The following MYO5B variants were observed in gnomAD, a reference collection of about 807,000 sequenced individuals.
MYO5B encodes myosin VB.
In MYO5B, 143 loss-of-function variants were observed where a neutral mutation model predicts 229.3. That is an observed-to-expected ratio of 0.62 (90% CI 0.54 to 0.72). MYO5B has a LOEUF of 0.72. Among genes scored for constraint, MYO5B ranks in the 30% least tolerant of loss-of-function variants. The pLI, the probability that MYO5B is intolerant of heterozygous loss-of-function variation, is 0.00. For missense variants in MYO5B, 2,321 were observed against 2,331.0 expected (o/e 1.00, Z 0.09); for synonymous variants, 918 against 885.2 (o/e 1.04, Z -0.66).
At chr18:50,038,181 C>G (rs904505021) in intron 3 of MYO5B, among the ~76,000 whole-genome samples, 1 of 152,064 alleles carries the variant, frequency 6.6e-6, no homozygotes, top group Non-Finnish European at 1.5e-5. Context: ...TTTTTCTTTC[C>G]CATAAGGTCA....
chr18:49,966,561 C>T (rs1422100178), intron 10 of MYO5B, among the ~76,000 whole-genome samples: 1 of 152,128 alleles, frequency 6.6e-6, no homozygotes, highest in African/African-American at 2.4e-5. Context: ...ATTAATAAAA[C>T]CTAGGTGGGA....
At chr18:49,952,729 A>G (rs540929429) in intron 14 of MYO5B, among the ~76,000 whole-genome samples, 3 of 152,266 alleles carry the variant, frequency 2.0e-5, no homozygotes, top group Admixed American at 1.3e-4. Flanking sequence ...AATAACAGAG[A>G]AAGAGTCCAA....
chr18:49,978,750 G>T (rs1287878079), intron 9 of MYO5B, among the ~76,000 whole-genome samples: 1 of 128,710 alleles, frequency 7.8e-6, no homozygotes, highest in African/African-American at 3.0e-5. Context: ...CACACAAAAT[G>T]CTCAGCCCCA....
Position 50,098,998 on chromosome 18 carries a change from C to T in MYO5B, c.28-43620G>A, listed in dbSNP as rs924991889. 5 of 153,036 alleles carry T rather than the reference C, an allele frequency of 3.3e-5. No homozygotes were observed. The East Asian group carries it at 7.7e-4, about 24-fold the overall frequency. The allele number at this position is 153,036 out of a possible 1,614,324, so 9.5% of individuals were successfully genotyped here. A position where few individuals can be genotyped will look rare whatever the true frequency, so the allele number is the denominator to read the frequency against. ...GAATCTGAAGAACAGATTAAAACGG[C>T]CTTTATATGAATGATCCAAGCACAA... On this transcript the variant is annotated intron_variant, in intron 1 of 39. Transcript: ENST00000285039.
intron 4 of MYO5B, among the ~76,000 whole-genome samples, chr18:50,011,360 G>T (rs1598951298): frequency 6.6e-6 from 1 of 152,114 alleles, no homozygotes; most frequent in East Asian, 1.9e-4. Flanking sequence ...CCTCTGAGGT[G>T]ATCTCCTCTT....
intron 1 of MYO5B, among the ~76,000 whole-genome samples, chr18:50,159,142 G>C (rs1344921807): frequency 1.3e-5 from 2 of 152,002 alleles, no homozygotes; most frequent in African/African-American, 4.8e-5. Context: ...AAAATAAACA[G>C]ACCTAGTTGA....
At chr18:50,065,733 T>C (rs1451239368) in intron 1 of MYO5B, among the ~76,000 whole-genome samples, 1 of 152,066 alleles carries the variant, frequency 6.6e-6, no homozygotes, top group Non-Finnish European at 1.5e-5. Context: ...TGGTCATAAA[T>C]GCATCAACAG....
intron 9 of MYO5B, among the ~76,000 whole-genome samples, chr18:49,977,064 G>A (rs1257470262): frequency 2.0e-5 from 3 of 152,170 alleles, no homozygotes; most frequent in South Asian, 2.1e-4. Context: ...CGCGCTGTGA[G>A]TGCAGTGGAG....
At chr18:50,120,097 T>G (rs2032033302) in intron 1 of MYO5B, among the ~76,000 whole-genome samples, 1 of 152,228 alleles carries the variant, frequency 6.6e-6, no homozygotes, top group East Asian at 1.9e-4. Context: ...TTTACAAAAC[T>G]TAAGTATTTA....
intron 29 of MYO5B, among the ~76,000 whole-genome samples, chr18:49,857,227 G>A (rs1033261038): frequency 2.0e-5 from 3 of 152,224 alleles, no homozygotes; most frequent in Non-Finnish European, 4.4e-5. Context: ...AGCAGTGTGG[G>A]TAGTGTGGAA....
At chr18:49,989,079 T>C (rs1480663881) in intron 7 of MYO5B, among the ~76,000 whole-genome samples, 1 of 152,262 alleles carries the variant, frequency 6.6e-6, no homozygotes, top group East Asian at 1.9e-4. Context: ...TGCATCATAA[T>C]TGACAAGCTA....
chr18:49,847,533 G>A (rs2024145606), intron 32 of MYO5B, among the ~76,000 whole-genome samples: 1 of 152,166 alleles, frequency 6.6e-6, no homozygotes, highest in Non-Finnish European at 1.5e-5. Flanking sequence ...CCAGCACTGG[G>A]GTCCACACTC....
At chr18:49,953,234 C>T in intron 14 of MYO5B, 26 bp downstream of exon 14, 1 of 1,604,204 alleles carries the variant, frequency 6.2e-7, no homozygotes, top group South Asian at 1.1e-5. Flanking sequence ...ATTCCTGCTC[C>T]ACTCCCCACT....
chr18:49,999,154 C>T (rs1164982936), intron 5 of MYO5B, among the ~76,000 whole-genome samples: 4 of 152,168 alleles, frequency 2.6e-5, no homozygotes, highest in African/African-American at 7.2e-5. Flanking sequence ...TCTTGTCTTT[C>T]GTTTTGCTCA....
chr18:50,105,985 G>T (rs1309914398), intron 1 of MYO5B, among the ~76,000 whole-genome samples: 2 of 151,956 alleles, frequency 1.3e-5, no homozygotes, highest in Middle Eastern at 3.2e-3. Context: ...ACCCTCTCCA[G>T]CTACTTTTTA....
At chr18:49,900,762 C>A (rs1177427710) in intron 21 of MYO5B, among the ~76,000 whole-genome samples, 2 of 152,186 alleles carry the variant, frequency 1.3e-5, no homozygotes, top group African/African-American at 4.8e-5. Context: ...CTCTGGGGCA[C>A]CTCAGAAGCC....
chr18:50,051,917 T>C (rs1239314521), intron 2 of MYO5B, among the ~76,000 whole-genome samples: 2 of 152,098 alleles, frequency 1.3e-5, no homozygotes, highest in Admixed American at 6.5e-5. Flanking sequence ...CAAGTTTCAG[T>C]TGTAAAAGAG....
intron 34 of MYO5B, among the ~76,000 whole-genome samples, chr18:49,842,265 G>T (rs1398048482): frequency 6.6e-6 from 1 of 152,174 alleles, no homozygotes; most frequent in Non-Finnish European, 1.5e-5. Flanking sequence ...CACGAAAGAG[G>T]ATCAAGGCTG....
At chr18:50,114,561 C>T (rs2031923040) in intron 1 of MYO5B, among the ~76,000 whole-genome samples, 1 of 152,216 alleles carries the variant, frequency 6.6e-6, no homozygotes, top group Non-Finnish European at 1.5e-5. Context: ...AATAAAGTTA[C>T]ATAAACTGTT....
Sources: allele counts gnomAD v4.1 joint callset (sites outside exome capture counted in the v4.1 genomes callset), GRCh38; gene constraint gnomAD v4.1.1; transcripts MANE v1.5; gene names NCBI Gene and HGNC (gene_info 2026-07-23, HGNC 2026-07-21).